Variants in SUPT3H observed in about 807,000 individuals in gnomAD.
SUPT3H encodes the protein SPT3 homolog, SAGA and STAGA complex component.
In SUPT3H, 44 loss-of-function variants were observed where a neutral mutation model predicts 44.3. That is an observed-to-expected ratio of 0.99 (90% CI 0.78 to 1.28). SUPT3H has a LOEUF of 1.28. SUPT3H is among the 50% of genes most tolerant of loss of function. SUPT3H has a pLI of 0.00. For synonymous variants in SUPT3H, 124 were observed against 125.6 expected, an observed-to-expected ratio of 0.99 and a Z score of 0.09; for missense variants, 380 against 387.1, an observed-to-expected ratio of 0.98 and a Z score of 0.15.
intron 3 of SUPT3H, among the ~76,000 whole-genome samples, chr6:45,052,461 T>C (rs987444260): frequency 6.6e-6 from 1 of 152,236 alleles, no homozygotes; most frequent in African/African-American, 2.4e-5. Context: ...TTCCAGATTA[T>C]GGCATGACTA....
At chr6:45,200,751 A>G (rs190121034) in intron 2 of SUPT3H, among the ~76,000 whole-genome samples, 5 of 151,424 alleles carry the variant, frequency 3.3e-5, no homozygotes, top group South Asian at 4.1e-4. Flanking sequence ...TCACTGTAAT[A>G]TAAGATTTTT....
intron 3 of SUPT3H, among the ~76,000 whole-genome samples, chr6:45,092,201 T>C (rs1325367162): frequency 6.6e-6 from 1 of 152,014 alleles, no homozygotes; most frequent in Non-Finnish European, 1.5e-5. Flanking sequence ...CCTCCTACTC[T>C]ACTGCAAAAA....
intron 2 of SUPT3H, among the ~76,000 whole-genome samples, chr6:45,225,151 C>T (rs1283786760): frequency 2.7e-5 from 4 of 149,666 alleles, no homozygotes; most frequent in Admixed American, 6.6e-5. Flanking sequence ...TGGTGGCATG[C>T]GTCTGTAATC....
intron 2 of SUPT3H, among the ~76,000 whole-genome samples, chr6:45,309,674 CA>C (rs1324059089): frequency 1.3e-5 from 2 of 151,910 alleles, no homozygotes; most frequent in Non-Finnish European, 2.9e-5. Flanking sequence ...TTAATCCAAA[CA>C]AGAATAGACG....
At chr6:44,902,865 G>A (rs1765329025) in intron 10 of SUPT3H, among the ~76,000 whole-genome samples, 1 of 152,136 alleles carries the variant, frequency 6.6e-6, no homozygotes, top group Non-Finnish European at 1.5e-5. Context: ...CAGAACTCAG[G>A]ATTAAGAAAC....
intron 10 of SUPT3H, among the ~76,000 whole-genome samples, chr6:44,920,460 C>T (rs983493743): frequency 6.6e-6 from 1 of 151,180 alleles, no homozygotes; most frequent in African/African-American, 2.4e-5. Flanking sequence ...TACTTGGGAG[C>T]CTGAGGTACG....
intron 4 of SUPT3H, among the ~76,000 whole-genome samples, chr6:45,017,074 T>G (rs1226291007): frequency 6.6e-6 from 1 of 151,974 alleles, no homozygotes; most frequent in African/African-American, 2.4e-5. Context: ...TGGTTTTGAT[T>G]TGCATTTCTC....
At chr6:45,251,839 A>T (rs2153653017) in intron 2 of SUPT3H, among the ~76,000 whole-genome samples, 2 of 152,268 alleles carry the variant, frequency 1.3e-5, no homozygotes, top group Middle Eastern at 6.8e-3. Context: ...TTCTTCCACT[A>T]GGCTAGATGG....
At chr6:45,325,247 C>A (rs1786167631) in intron 2 of SUPT3H, among the ~76,000 whole-genome samples, 1 of 151,408 alleles carries the variant, frequency 6.6e-6, no homozygotes, top group Non-Finnish European at 1.5e-5. Context: ...GAGTTAGCAG[C>A]AAATAAGTCT....
chr6:45,022,460 G>T (rs1219078076), intron 3 of SUPT3H, among the ~76,000 whole-genome samples: 3 of 147,688 alleles, frequency 2.0e-5, no homozygotes, highest in Non-Finnish European at 4.5e-5. Flanking sequence ...CATGACCACT[G>T]TAAGGATCTG....
At chr6:44,951,888 C>T (rs1341415489) in intron 9 of SUPT3H, among the ~76,000 whole-genome samples, 1 of 152,122 alleles carries the variant, frequency 6.6e-6, no homozygotes, top group Non-Finnish European at 1.5e-5. Context: ...TACTTATACA[C>T]ATATTCATAA....
chr6:45,270,167 T>C (rs935193985), intron 2 of SUPT3H, among the ~76,000 whole-genome samples: 1 of 152,162 alleles, frequency 6.6e-6, no homozygotes, highest in Non-Finnish European at 1.5e-5. Context: ...ATGTTCAACA[T>C]AAGCTCCATC....
intron 10 of SUPT3H, among the ~76,000 whole-genome samples, chr6:44,851,379 C>T (rs553920771): frequency 7.9e-5 from 12 of 152,272 alleles, no homozygotes; most frequent in African/African-American, 2.9e-4. Flanking sequence ...ATGTGACTCA[C>T]GCTTGTGTTC....
chr6:44,938,911 C>T (rs71566506), intron 9 of SUPT3H, among the ~76,000 whole-genome samples: 3,692 of 152,138 alleles, frequency 0.024, 90 homozygotes, highest in Non-Finnish European at 0.041. Context: ...GATTTTTGTA[C>T]AATGATTTTG....
At chr6:45,152,816 A>G (rs1807163807) in intron 2 of SUPT3H, among the ~76,000 whole-genome samples, 1 of 151,994 alleles carries the variant, frequency 6.6e-6, no homozygotes. Flanking sequence ...TTTAAATTTA[A>G]TCATATGCTC....
At chr6:44,979,575 T>C (rs552877659) in intron 6 of SUPT3H, among the ~76,000 whole-genome samples, 10 of 152,190 alleles carry the variant, frequency 6.6e-5, no homozygotes, top group African/African-American at 2.2e-4. Flanking sequence ...ATGTAAAAGG[T>C]TAAGTGGAGC....
At chr6:45,280,314 C>A (rs530116888) in intron 2 of SUPT3H, among the ~76,000 whole-genome samples, 1 of 151,974 alleles carries the variant, frequency 6.6e-6, no homozygotes, top group Non-Finnish European at 1.5e-5. Context: ...CCAGCCTGGC[C>A]AACATGGTGA....
intron 2 of SUPT3H, among the ~76,000 whole-genome samples, chr6:45,199,022 T>C (rs1342004053): frequency 6.6e-6 from 1 of 151,368 alleles, no homozygotes; most frequent in East Asian, 1.9e-4. Context: ...ATCTTAAGAC[T>C]AGAAATAATT....
chr6:44,863,844 A>G (rs912292936), intron 10 of SUPT3H, among the ~76,000 whole-genome samples: 5 of 152,158 alleles, frequency 3.3e-5, no homozygotes, highest in Non-Finnish European at 7.4e-5. Flanking sequence ...AAGAGAGAGA[A>G]TAAGAGTCAA....
Sources: allele counts gnomAD v4.1 joint callset (sites outside exome capture counted in the v4.1 genomes callset), GRCh38; gene constraint gnomAD v4.1.1; transcripts MANE v1.5; gene names NCBI Gene and HGNC (gene_info 2026-07-23, HGNC 2026-07-21).